TAFA1: variants seen among roughly 807,000 people sequenced by gnomAD.
The protein encoded by TAFA1 is TAFA chemokine like family member 1, also known as chemokine-like protein TAFA-1.
A neutral mutation model predicts 18.5 loss-of-function variants in TAFA1; 4 were observed. That is an observed-to-expected ratio of 0.22 (90% CI 0.11 to 0.49). TAFA1 has a LOEUF of 0.49. Ranked by LOEUF, TAFA1 falls within the 20% of genes least tolerant of loss-of-function variation. The probability of loss-of-function intolerance (pLI) is 0.98; values close to 1 mark genes in which losing one functional copy is unlikely to be tolerated. For missense variants in TAFA1, 147 were observed against 169.0 expected (o/e 0.87, Z 0.72); for synonymous variants, 56 against 55.2 (o/e 1.01, Z -0.06).
chr3:68,372,242 T>C (rs262204), intron 2 of TAFA1, among the ~76,000 whole-genome samples: 79,977 of 152,042 alleles, frequency 0.53, 21,501 homozygotes, highest in East Asian at 0.77. Flanking sequence ...CAGTGATGAC[T>C]ATTTTTGTGG....
At chr3:68,410,962 A>G (rs1301290975) in intron 2 of TAFA1, among the ~76,000 whole-genome samples, 1 of 152,210 alleles carries the variant, frequency 6.6e-6, no homozygotes, top group Non-Finnish European at 1.5e-5. Context: ...ATACAAATAC[A>G]TTGGATTAAA....
At chr3:68,087,401 A>T (rs571616131) in intron 2 of TAFA1, among the ~76,000 whole-genome samples, 1 of 152,162 alleles carries the variant, frequency 6.6e-6, no homozygotes, top group Non-Finnish European at 1.5e-5. Flanking sequence ...ATTAATGTTA[A>T]TACAAGTAAT....
chr3:68,399,573 C>A (rs974778283), intron 2 of TAFA1, among the ~76,000 whole-genome samples: 17 of 152,034 alleles, frequency 1.1e-4, no homozygotes, highest in Admixed American at 2.6e-4. Flanking sequence ...AGATATTCAA[C>A]AATTCTTGCA....
At chr3:68,231,817 G>T (rs562561209) in intron 2 of TAFA1, among the ~76,000 whole-genome samples, 8 of 152,264 alleles carry the variant, frequency 5.3e-5, no homozygotes, top group Admixed American at 1.3e-4. Context: ...ATCCCAGAAA[G>T]GTTCCTCGTG....
chr3:68,222,302 G>A (rs549548072), intron 2 of TAFA1, among the ~76,000 whole-genome samples: 1 of 152,256 alleles, frequency 6.6e-6, no homozygotes, highest in Admixed American at 6.5e-5. Flanking sequence ...AGACAGGAAA[G>A]CACTATATTG....
chr3:68,079,143 G>A lies in TAFA1; in HGVS notation c.118+72399G>A, dbSNP rs571543168. On this transcript the variant is annotated intron_variant, in intron 2 of 4. Transcript: ENST00000478136. ...TCTGATGGTAGTTTGTATTTCTGTG[G>A]GATTGGTGGTGATATCCCCTTTATC... is the stretch of plus-strand genomic sequence containing the variant. Among the ~76,000 whole-genome samples, 3 of 152,208 alleles carry A rather than the reference G, an allele frequency of 2.0e-5. No individual in the cohort carries two copies. The East Asian group carries it at 5.8e-4, about 29-fold the overall frequency.
At chr3:68,313,805 A>G (rs2068561826) in intron 2 of TAFA1, among the ~76,000 whole-genome samples, 1 of 152,288 alleles carries the variant, frequency 6.6e-6, no homozygotes, top group East Asian at 1.9e-4. Flanking sequence ...AATTATTCTG[A>G]TGGCCCTTGC....
intron 2 of TAFA1, among the ~76,000 whole-genome samples, chr3:68,406,655 T>C (rs2070616283): frequency 6.6e-6 from 1 of 152,182 alleles, no homozygotes; most frequent in Non-Finnish European, 1.5e-5. Flanking sequence ...CAAGCAAATT[T>C]GAGGACAGAG....
At position 68,220,856 on chromosome 3, in the gene TAFA1, C is replaced by T. The variant is rs1012560425; in HGVS notation, c.119-196424C>T. ...TGAGTAGATCTCTTTCAGCATCCCT[C>T]GGTGCATGGTTCTCCCTATCAGACT... On this transcript the variant is annotated intron_variant, in intron 2 of 4. Transcript: ENST00000478136. 6.6e-5 allele frequency among the ~76,000 whole-genome samples: 10 copies of T among 151,312 alleles called. 1 individual carries two copies. The highest frequency in any genetic ancestry group is 1.0e-4 in the Non-Finnish European group (7 of 67,730).
At chr3:68,376,526 G>T (rs1361609215) in intron 2 of TAFA1, among the ~76,000 whole-genome samples, 1 of 152,024 alleles carries the variant, frequency 6.6e-6, no homozygotes, top group South Asian at 2.1e-4. Context: ...CTGTTCGTAC[G>T]TTAGTTTGCT....
intron 2 of TAFA1, among the ~76,000 whole-genome samples, chr3:68,110,369 G>A (rs917155746): frequency 3.9e-5 from 6 of 152,132 alleles, no homozygotes; most frequent in Non-Finnish European, 7.4e-5. Context: ...TCTTTATCCA[G>A]TCTATCATTG....
intron 3 of TAFA1, among the ~76,000 whole-genome samples, chr3:68,471,234 C>CA (rs1225804339): frequency 3.3e-5 from 5 of 152,194 alleles, no homozygotes; most frequent in Admixed American, 2.0e-4. Flanking sequence ...GCTGCAGGGG[C>CA]AGGGCCCTCA....
At chr3:68,373,153 G>T (rs1206152707) in intron 2 of TAFA1, among the ~76,000 whole-genome samples, 1 of 152,092 alleles carries the variant, frequency 6.6e-6, no homozygotes, top group Non-Finnish European at 1.5e-5. Context: ...AAATATTTGT[G>T]GGAGGAATGA....
chr3:68,469,035 T>C (rs1402682939), intron 3 of TAFA1, among the ~76,000 whole-genome samples: 1 of 152,140 alleles, frequency 6.6e-6, no homozygotes, highest in Non-Finnish European at 1.5e-5. Context: ...TGGTTCAAAC[T>C]GAAGCACCTT....
intron 2 of TAFA1, among the ~76,000 whole-genome samples, chr3:68,416,604 G>A (rs1182841305): frequency 6.6e-6 from 1 of 152,166 alleles, no homozygotes; most frequent in Admixed American, 6.6e-5. Flanking sequence ...TGCTAAGATC[G>A]TAGTGGAGAG....
intron 3 of TAFA1, among the ~76,000 whole-genome samples, chr3:68,470,075 C>A (rs1421201826): frequency 6.6e-6 from 1 of 152,128 alleles, no homozygotes; most frequent in African/African-American, 2.4e-5. Context: ...ATCATGGGGA[C>A]AGTTTCTCCT....
At chr3:68,400,450 T>C (rs2070465284) in intron 2 of TAFA1, among the ~76,000 whole-genome samples, 1 of 152,180 alleles carries the variant, frequency 6.6e-6, no homozygotes, top group Non-Finnish European at 1.5e-5. Flanking sequence ...ATACATACAA[T>C]GAAGATTCTC....
intron 4 of TAFA1, among the ~76,000 whole-genome samples, chr3:68,541,772 C>T (rs2073379842): frequency 6.6e-6 from 1 of 152,152 alleles, no homozygotes; most frequent in South Asian, 2.1e-4. Context: ...GGGAAAGGTT[C>T]CTGGGACTTC....
chr3:68,325,672 C>T (rs34315106), intron 2 of TAFA1, among the ~76,000 whole-genome samples: 85,755 of 151,682 alleles, frequency 0.57, 24,603 homozygotes, highest in Non-Finnish European at 0.62. Flanking sequence ...AGAAAATTCC[C>T]CTCTAGGAGC....
Sources: allele counts gnomAD v4.1 joint callset (sites outside exome capture counted in the v4.1 genomes callset), GRCh38; gene constraint gnomAD v4.1.1; transcripts MANE v1.5; gene names NCBI Gene and HGNC (gene_info 2026-07-23, HGNC 2026-07-21).